Variants in LUZP1 observed in about 807,000 individuals in gnomAD.
LUZP1 encodes the protein leucine zipper protein 1.
LUZP1 carries 25 observed loss-of-function variants against 71.3 expected under a neutral mutation model. The ratio of observed to expected loss-of-function variants is 0.35; its 90% CI spans 0.26 to 0.49. LUZP1 has a LOEUF of 0.49. Among genes scored for constraint, LUZP1 ranks in the 20% least tolerant of loss-of-function variants. The pLI is 0.99. For missense variants in LUZP1, 1,142 were observed against 1,300.8 expected (o/e 0.88, Z 1.88); for synonymous variants, 481 against 506.4 (o/e 0.95, Z 0.67).
At chr1:23,112,363 T>C (rs1025508256) in intron 2 of LUZP1, among the ~76,000 whole-genome samples, 8 of 152,202 alleles carry the variant, frequency 5.3e-5, no homozygotes. Flanking sequence ...GGTGGTAGTA[T>C]GTGTGTACGT....
intron 2 of LUZP1, among the ~76,000 whole-genome samples, chr1:23,117,518 G>A (rs1350968604): frequency 1.4e-5 from 1 of 71,924 alleles, no homozygotes; most frequent in Non-Finnish European, 2.7e-5. Flanking sequence ...GGGGGGGGGG[G>A]CGGGGGGGGG....
intron 2 of LUZP1, among the ~76,000 whole-genome samples, chr1:23,145,468 C>CT (rs869293750): frequency 0.015 from 1,979 of 135,092 alleles, 56 homozygotes; most frequent in African/African-American, 0.041. Flanking sequence ...CTATTAATCT[C>CT]TTTTTTTTTT....
At chr1:23,127,316 C>T (rs1644179618) in intron 2 of LUZP1, among the ~76,000 whole-genome samples, 1 of 152,180 alleles carries the variant, frequency 6.6e-6, no homozygotes, top group Admixed American at 6.5e-5. Flanking sequence ...TCAGGTCTAC[C>T]TGACTTTAAA....
chr1:23,092,886 G>C, exon 4 of LUZP1: 1 of 1,613,758 alleles, frequency 6.2e-7, no homozygotes. Flanking sequence ...GCTCTGGGAG[G>C]AGCCGGGTAC....
At chr1:23,097,352 A>G (rs747039993) in intron 3 of LUZP1, among the ~76,000 whole-genome samples, 2 of 152,188 alleles carry the variant, frequency 1.3e-5, no homozygotes, top group Non-Finnish European at 2.9e-5. Context: ...ACTACAGGGG[A>G]TAAGGTTGGG....
At chr1:23,136,628 G>A (rs987330208) in intron 2 of LUZP1, among the ~76,000 whole-genome samples, 3 of 152,074 alleles carry the variant, frequency 2.0e-5, no homozygotes, top group East Asian at 3.9e-4. Context: ...CCAAAGTTCC[G>A]ACGGGCACGG....
At chr1:23,101,070 T>G (rs1643927991) in intron 3 of LUZP1, among the ~76,000 whole-genome samples, 1 of 151,976 alleles carries the variant, frequency 6.6e-6, no homozygotes, top group South Asian at 2.1e-4. Context: ...AAACTAACAA[T>G]GACAAAAGAG....
intron 2 of LUZP1, among the ~76,000 whole-genome samples, chr1:23,132,807 T>C (rs1644225112): frequency 6.6e-6 from 1 of 152,246 alleles, no homozygotes; most frequent in South Asian, 2.1e-4. Flanking sequence ...AACTTTTCTA[T>C]GTTTTAAATT....
chr1:23,176,332 G>A (rs1299519946), intron 1 of LUZP1, among the ~76,000 whole-genome samples: 1 of 152,114 alleles, frequency 6.6e-6, no homozygotes, highest in Non-Finnish European at 1.5e-5. Flanking sequence ...CAAAAGTGCT[G>A]GGATTACAGG....
exon 5 of LUZP1, chr1:23,087,476 G>T (rs1258577129): frequency 1.3e-5 from 2 of 152,450 alleles, no homozygotes; most frequent in Non-Finnish European, 2.9e-5. Context: ...GCTCCAAGAA[G>T]ACAATGACTC....
At chr1:23,092,118 T>C (rs138698820) in exon 4 of LUZP1, 1 of 1,614,208 alleles carries the variant, frequency 6.2e-7, no homozygotes, top group Non-Finnish European at 8.5e-7. Flanking sequence ...CACAGATTCA[T>C]TCTCCATTCC....
At chr1:23,160,587 A>T (rs1644456350) in intron 2 of LUZP1, among the ~76,000 whole-genome samples, 1 of 152,190 alleles carries the variant, frequency 6.6e-6, no homozygotes, top group Non-Finnish European at 1.5e-5. Flanking sequence ...AGAAAATACT[A>T]AGCAGGATTC....
At chr1:23,089,082 G>C (rs769597173) in intron 4 of LUZP1, 29 bp from the exon 4 acceptor site, 1 of 1,610,074 alleles carries the variant, frequency 6.2e-7, no homozygotes, top group Non-Finnish European at 8.5e-7. Context: ...AAAGTGAGCT[G>C]TGGAGGTCAG....
At chr1:23,126,282 T>C (rs1346863494) in intron 2 of LUZP1, among the ~76,000 whole-genome samples, 1 of 152,110 alleles carries the variant, frequency 6.6e-6, no homozygotes, top group Non-Finnish European at 1.5e-5. Flanking sequence ...TTCTAAATAG[T>C]GACTAAAACA....
At chr1:23,149,163 T>C (rs991512022) in intron 2 of LUZP1, among the ~76,000 whole-genome samples, 2 of 151,594 alleles carry the variant, frequency 1.3e-5, no homozygotes, top group Non-Finnish European at 2.9e-5. Flanking sequence ...TAAGACTTTT[T>C]ACTTGTTATA....
chr1:23,142,692 TATATATATAC>T lies in LUZP1; in HGVS notation c.-226+26064_-226+26073del, dbSNP rs1305886570. 1.7e-4 allele frequency among the ~76,000 whole-genome samples: 14 copies of T among 80,100 alleles called. No homozygotes were observed. The South Asian group carries it at 2.1e-3, about 12-fold the overall frequency. The allele number at this position is 80,100 out of a possible 152,430, so 52.5% of individuals were successfully genotyped here. On this transcript the variant is annotated intron_variant, in intron 2 of 4. Coordinates refer to ENST00000302291, the Ensembl canonical transcript of LUZP1. Reference sequence around the variant, plus strand: ...ATAAATGGTGGGTGCATAAAATATATATATATATACACACACACACACACACACACACACA... The same window carrying T: ...ATAAATGGTGGGTGCATAAAATATATACACACACACACACACACACACACA...
intron 2 of LUZP1, among the ~76,000 whole-genome samples, chr1:23,149,544 T>A (rs1042050716): frequency 2.6e-5 from 4 of 152,120 alleles, no homozygotes; most frequent in Non-Finnish European, 5.9e-5. Context: ...TAGGAAAATG[T>A]CTGAATATAC....
chr1:23,093,831 T>C lies in LUZP1; in HGVS notation c.431A>G (p.Glu144Gly). 6.2e-7 allele frequency: 1 copy of C among 1,614,054 alleles called. No homozygotes were observed. Among genetic ancestry groups the C allele is most frequent in the South Asian group, 1.1e-5 (1 of 91,070 alleles). Residue 144 changes from glutamate (E) to glycine (G), a missense_variant, in exon 4 of 5, where the codon GAG (glutamate) becomes GGG (glycine). Transcript: ENST00000302291. This position sits in a 1 kb window ranked among gnomAD's most constrained non-coding sequence, Gnocchi z 4.2. ...GGAGATTTTCTTGGTCAGATTTCTC[T>C]CCTCATTCAGGCTCAGACACAGCTG...
At chr1:23,149,079 T>TAAAAAA (rs58910170) in intron 2 of LUZP1, among the ~76,000 whole-genome samples, 3 of 37,410 alleles carry the variant, frequency 8.0e-5, no homozygotes, top group African/African-American at 2.4e-4. Context: ...ACACCTTGCC[T>TAAAAAA]AAAAAAAAAA....
Sources: gnomAD v4.1 joint callset for allele counts (sites outside exome capture counted in the v4.1 genomes callset) on GRCh38, gnomAD v4.1.1 for gene constraint, Gnocchi (gnomAD v3.1) non-coding constraint, MANE v1.5 for transcripts, NCBI Gene and HGNC (gene_info 2026-07-23, HGNC 2026-07-21) for gene names.